The following SKAP2 variants were observed in gnomAD, a reference collection of about 807,000 sequenced individuals.
The protein encoded by SKAP2 is src kinase associated phosphoprotein 2, also known as src kinase-associated phosphoprotein 2.
SKAP2 carries 28 observed loss-of-function variants against 54.9 expected under a neutral mutation model. The ratio of observed to expected loss-of-function variants is 0.51; its 90% CI spans 0.38 to 0.70. The LOEUF is 0.70. Ranked by LOEUF, SKAP2 falls within the 30% of genes least tolerant of loss-of-function variation. The pLI is 0.00. For missense variants in SKAP2, 356 were observed against 424.1 expected, an observed-to-expected ratio of 0.84 and a Z score of 1.41; for synonymous variants, 137 against 134.3, an observed-to-expected ratio of 1.02 and a Z score of -0.14.
chr7:26,809,896 T>C (rs577991644), intron 4 of SKAP2, among the ~76,000 whole-genome samples: 2 of 152,212 alleles, frequency 1.3e-5, no homozygotes, highest in Non-Finnish European at 2.9e-5. Flanking sequence ...ATGTAGTATA[T>C]GTATAAAATG....
At chr7:26,757,000 A>G (rs1194532696) in intron 4 of SKAP2, among the ~76,000 whole-genome samples, 1 of 152,032 alleles carries the variant, frequency 6.6e-6, no homozygotes, top group Non-Finnish European at 1.5e-5. Context: ...GTCTGTTCAT[A>G]CCCTTCACCC....
intron 3 of SKAP2, among the ~76,000 whole-genome samples, chr7:26,852,140 T>C (rs1332891341): frequency 2.0e-5 from 3 of 152,136 alleles, no homozygotes; most frequent in Non-Finnish European, 4.4e-5. Context: ...CCAGACCTTC[T>C]TGGATAAAGA....
At chr7:26,661,589 AT>A in the SKAP2 span, among the ~76,000 whole-genome samples, 2 of 152,202 alleles carry the variant, frequency 1.3e-5, no homozygotes, top group Admixed American at 1.3e-4. Flanking sequence ...TAAAATCACC[AT>A]TAACAGAAAT....
At chr7:26,778,865 A>G (rs1420959183) in intron 4 of SKAP2, among the ~76,000 whole-genome samples, 14 of 152,042 alleles carry the variant, frequency 9.2e-5, no homozygotes. Flanking sequence ...ATAACTTTTG[A>G]AGTAAATAAA....
intron 9 of SKAP2, among the ~76,000 whole-genome samples, chr7:26,701,015 G>A (rs1384566503): frequency 6.6e-6 from 1 of 152,132 alleles, no homozygotes; most frequent in Admixed American, 6.5e-5. Context: ...TCCCCTTTGT[G>A]TTCTCACAGA....
chr7:26,760,021 T>C (rs1782890206), intron 4 of SKAP2, among the ~76,000 whole-genome samples: 1 of 152,208 alleles, frequency 6.6e-6, no homozygotes, highest in Non-Finnish European at 1.5e-5. Context: ...TTAAGTAAAG[T>C]GCTCTGTGCT....
At chr7:26,737,297 A>G (rs570870966) in intron 6 of SKAP2, among the ~76,000 whole-genome samples, 7 of 152,324 alleles carry the variant, frequency 4.6e-5, no homozygotes, top group African/African-American at 1.7e-4. Context: ...TTTCTGACCT[A>G]CTTCACTACT....
At chr7:26,715,038 C>T (rs935511813) in intron 9 of SKAP2, among the ~76,000 whole-genome samples, 1 of 152,034 alleles carries the variant, frequency 6.6e-6, no homozygotes, top group Non-Finnish European at 1.5e-5. Flanking sequence ...CAAATCCTAT[C>T]GTGTGAATAT....
At chr7:26,767,942 T>C (rs938722334) in intron 4 of SKAP2, among the ~76,000 whole-genome samples, 1 of 152,208 alleles carries the variant, frequency 6.6e-6, no homozygotes, top group Non-Finnish European at 1.5e-5. Flanking sequence ...ATTCTATTGA[T>C]TTGGGGTGGA....
At chr7:26,689,385 C>G (rs1461035050) in intron 10 of SKAP2, among the ~76,000 whole-genome samples, 1 of 152,188 alleles carries the variant, frequency 6.6e-6, no homozygotes, top group East Asian at 1.9e-4. Context: ...TTTATCAAAA[C>G]TAACCTCATG....
At chr7:26,709,184 A>T (rs1051657708) in intron 9 of SKAP2, among the ~76,000 whole-genome samples, 1 of 152,190 alleles carries the variant, frequency 6.6e-6, no homozygotes, top group Non-Finnish European at 1.5e-5. Flanking sequence ...CCTTCACCTT[A>T]TCAGGCTAGG....
the SKAP2 span, among the ~76,000 whole-genome samples, chr7:26,659,016 C>T: frequency 6.6e-6 from 1 of 152,104 alleles, no homozygotes; most frequent in East Asian, 1.9e-4. Flanking sequence ...GTTAATGTAC[C>T]AGTTATATAA....
At chr7:26,770,958 A>G (rs1462909731) in intron 4 of SKAP2, among the ~76,000 whole-genome samples, 1 of 152,190 alleles carries the variant, frequency 6.6e-6, no homozygotes, top group Non-Finnish European at 1.5e-5. Context: ...GAAAAAAAAA[A>G]CTAAAAGTGG....
intron 4 of SKAP2, among the ~76,000 whole-genome samples, chr7:26,815,509 C>T (rs1242872998): frequency 1.3e-5 from 2 of 152,124 alleles, no homozygotes; most frequent in Admixed American, 1.3e-4. Context: ...AACATCCCAT[C>T]AGCTGTCTAA....
chr7:26,657,067 GAATAAT>G, the SKAP2 span, among the ~76,000 whole-genome samples: 1 of 152,096 alleles, frequency 6.6e-6, no homozygotes, highest in African/African-American at 2.4e-5. Context: ...CAAACGGTCT[GAATAAT>G]AATAATAATC....
intron 7 of SKAP2, 131 bp downstream of exon 7, chr7:26,726,751 A>C (rs1787718289): frequency 2.7e-6 from 2 of 733,772 alleles, no homozygotes; most frequent in Non-Finnish European, 4.1e-6. Flanking sequence ...TCAATGCATA[A>C]TATATTTAAA....
intron 1 of SKAP2, among the ~76,000 whole-genome samples, chr7:26,856,561 T>C (rs536577685): frequency 5.9e-5 from 9 of 152,354 alleles, no homozygotes; most frequent in Admixed American, 1.3e-4. Context: ...AGAAGCATGT[T>C]GCTCTAAAAG....
chr7:26,827,314 T>C (rs3801818), intron 4 of SKAP2, among the ~76,000 whole-genome samples: 1 of 152,172 alleles, frequency 6.6e-6, no homozygotes, highest in African/African-American at 2.4e-5. Context: ...AAAGAATTAG[T>C]TGATATTCAA....
chr7:26,782,293 C>A (rs1215880098), intron 4 of SKAP2, among the ~76,000 whole-genome samples: 1 of 152,026 alleles, frequency 6.6e-6, no homozygotes, highest in Admixed American at 6.6e-5. Flanking sequence ...AGCCAAAAAG[C>A]CTGATTTACC....
Sources: allele counts gnomAD v4.1 joint callset (sites outside exome capture counted in the v4.1 genomes callset), GRCh38; gene constraint gnomAD v4.1.1; transcripts MANE v1.5; gene names NCBI Gene and HGNC (gene_info 2026-07-23, HGNC 2026-07-21).